Variants in CFTR observed in about 807,000 individuals in gnomAD.
The protein encoded by CFTR is CF transmembrane conductance regulator.
A neutral mutation model predicts 171.6 loss-of-function variants in CFTR; 181 were observed. That is an observed-to-expected ratio of 1.05 (90% CI 0.93 to 1.19). The LOEUF is 1.19. CFTR is among the 50% of genes most tolerant of loss of function. CFTR has a pLI of 0.00. For synonymous variants in CFTR, 583 were observed against 608.0 expected (o/e 0.96, Z 0.60); for missense variants, 1,968 against 1,734.7 (o/e 1.13, Z -2.39).
In CFTR at chr7:117,480,053, A is replaced by G. The variant is rs1421224613; in HGVS notation, c.-42A>G. ...GTAGGTCTTTGGCATTAGGAGCTTG[A>G]GCCCAGACGGCCCTAGCAGGGACCC... On this transcript the variant is annotated 5_prime_UTR_variant, in exon 1 of 27. Transcript: ENST00000003084. 9 of 1,598,324 alleles carry G rather than the reference A, an allele frequency of 5.6e-6. No individual in the cohort carries two copies. Among genetic ancestry groups the G allele is most frequent in the Non-Finnish European group, 7.7e-6 (9 of 1,165,988 alleles).
intron 1 of CFTR, among the ~76,000 whole-genome samples, chr7:117,481,662 G>A (rs1798003184): frequency 6.6e-6 from 1 of 152,214 alleles, no homozygotes; most frequent in East Asian, 1.9e-4. Flanking sequence ...ATTTCATAAG[G>A]TGCTTTAAGA....
chr7:117,555,372 T>C (rs2115923926), intron 10 of CFTR, among the ~76,000 whole-genome samples: 1 of 152,322 alleles, frequency 6.6e-6, no homozygotes, highest in East Asian at 1.9e-4. Flanking sequence ...GTACATATGG[T>C]ACTACTGTAA....
At chr7:117,610,712 T>C (rs1792372674) in intron 19 of CFTR, 43 bp downstream of exon 19, 3 of 1,604,290 alleles carry the variant, frequency 1.9e-6, no homozygotes, top group Non-Finnish European at 2.6e-6. Flanking sequence ...AAAAAAGCTA[T>C]AAGAGCTATT....
rs1196954388 is a variant in CFTR, at chr7:117,536,212, C to T, written c.744-336C>T. On this transcript the variant is annotated intron_variant, in intron 6 of 26. Transcript: ENST00000003084. ...GAGTCAAATAGCACTTTGTTTGAAT[C>T]CCAGATTGCATGCTTACTAGTTATG... is the stretch of plus-strand genomic sequence containing the variant. 2.6e-5 allele frequency among the ~76,000 whole-genome samples: 4 copies of T among 152,100 alleles called. No homozygotes were observed. The East Asian group carries it at 7.7e-4, about 29-fold the overall frequency.
At chr7:117,517,406 A>G (rs563997056) in intron 3 of CFTR, among the ~76,000 whole-genome samples, 3 of 152,286 alleles carry the variant, frequency 2.0e-5, no homozygotes, top group African/African-American at 7.2e-5. Context: ...TTATGGCTGT[A>G]TAGTATTCCA....
chr7:117,486,038 C>A (rs950867973), intron 1 of CFTR, among the ~76,000 whole-genome samples: 2 of 152,130 alleles, frequency 1.3e-5, no homozygotes, highest in Non-Finnish European at 2.9e-5. Flanking sequence ...GGACTGTGGG[C>A]AGATTTTTAA....
chr7:117,537,187 C>G (rs1416918665), intron 7 of CFTR, among the ~76,000 whole-genome samples: 2 of 152,218 alleles, frequency 1.3e-5, no homozygotes, highest in African/African-American at 4.8e-5. Flanking sequence ...AAATCCTCCA[C>G]TTGAAGTGAA....
rs149587528 is a variant in CFTR, at chr7:117,603,425, G to A, written c.2658-107G>A. 74 of 1,285,940 alleles carry A rather than the reference G, an allele frequency of 5.8e-5. No homozygotes were observed. The African/African-American group carries it at 7.9e-4, about 14-fold the overall frequency. 79.7% of individuals were successfully genotyped at this position (1,285,940 alleles called of 1,614,324 possible). A position where few individuals can be genotyped will look rare whatever the true frequency, so the allele number is the denominator to read the frequency against. On this transcript the variant is annotated intron_variant, in intron 16 of 26. Coordinates refer to ENST00000003084, the MANE Select transcript of CFTR (RefSeq NM_000492.4). ...GGTTAAGGGTGCATGCTCTTCTAAT[G>A]CAAAATATTGTATTTATTTAGACTC... is the stretch of plus-strand genomic sequence containing the variant.
intron 2 of CFTR, among the ~76,000 whole-genome samples, chr7:117,508,188 C>T (rs929015858): frequency 2.6e-5 from 4 of 152,112 alleles, no homozygotes; most frequent in Non-Finnish European, 5.9e-5. Flanking sequence ...CTAGTTCTTC[C>T]TTGTGGTTCA....
chr7:117,540,321 C>T lies in CFTR; in HGVS notation c.1091C>T (p.Ser364Phe). Residue 364 changes from serine (S) to phenylalanine (F), a missense_variant, in exon 8 of 27, where the codon TCT (serine) becomes TTT (phenylalanine). Physicochemically the swap from Ser to Phe is radical, Grantham distance 155 (BLOSUM62 -2). Coordinates refer to ENST00000003084, the MANE Select transcript of CFTR (RefSeq NM_000492.4). ...TGGGCTGTACAAACATGGTATGACT[C>T]TCTTGGAGCAATAAACAAAATACAG... ...FPWAVQTWYD[S>F]LGAINKIQDF... 7 of 1,613,732 alleles carry T rather than the reference C, an allele frequency of 4.3e-6. No individual in the cohort carries two copies. The highest frequency in any genetic ancestry group is 2.2e-5 in the South Asian group (2 of 91,060).
chr7:117,603,750 C>T lies in CFTR; in HGVS notation c.2876C>T (p.Ala959Val), dbSNP rs397508448. 7 of 1,613,852 alleles carry T rather than the reference C, an allele frequency of 4.3e-6. No individual in the cohort carries two copies. The highest frequency in any genetic ancestry group is 1.7e-5 in the Admixed American group (1 of 59,972). The change falls in exon 17 of 27, where the codon GCA becomes GTA. Residue 959 changes from alanine (A) to valine (V), a missense_variant. Coordinates refer to ENST00000003084, the MANE Select transcript of CFTR (RefSeq NM_000492.4). ...AAAATGTTACATTCTGTTCTTCAAG[C>T]ACCTATGTCAACCCTCAACACGTTG... is the stretch of plus-strand genomic sequence containing the variant. The part of the protein sequence containing the change: ...HHKMLHSVLQ[A>V]PMSTLNTLKA...
intron 21 of CFTR, among the ~76,000 whole-genome samples, chr7:117,623,964 T>C (rs986497481): frequency 6.6e-6 from 1 of 152,130 alleles, no homozygotes; most frequent in African/African-American, 2.4e-5. Context: ...GCCCTATACT[T>C]AATTTTATAT....
chr7:117,577,080 T>C lies in CFTR; in HGVS notation c.1585-10659T>C, dbSNP rs17547533. 8.7e-3 allele frequency among the ~76,000 whole-genome samples: 1,317 copies of C among 152,154 alleles called. 13 individuals carry two copies. The highest frequency in any genetic ancestry group is 0.044 in the Middle Eastern group (13 of 294). ...GTCATTGGAGACTTTACAGAGGAAATTAAATTTTTATTGATCTTGAAAGAG... is the reference window on the plus strand; with the variant it reads ...GTCATTGGAGACTTTACAGAGGAAACTAAATTTTTATTGATCTTGAAAGAG... On this transcript the variant is annotated intron_variant, in intron 11 of 26. Coordinates refer to ENST00000003084, the MANE Select transcript of CFTR (RefSeq NM_000492.4).
At position 117,590,327 on chromosome 7, in the gene CFTR, T is replaced by C. The variant is rs397508265; in HGVS notation, c.1680-26T>C. The C allele has an allele frequency of 1.3e-6, 2 of 1,596,480 alleles. No individual in the cohort carries two copies. Among genetic ancestry groups the C allele is most frequent in the Admixed American group, 1.7e-5 (1 of 59,480 alleles). On this transcript the variant is annotated intron_variant, in intron 12 of 26. Coordinates refer to ENST00000003084, the MANE Select transcript of CFTR (RefSeq NM_000492.4). ...ATGACCAGGAAATAGAGAGGAAATG[T>C]AATTTAATTTCCATTTTCTTTTTAG...
intron 11 of CFTR, chr7:117,564,508 A>G (rs945434031): frequency 6.3e-6 from 1 of 157,946 alleles, no homozygotes; most frequent in African/African-American, 2.4e-5. Flanking sequence ...AGAACTTGAA[A>G]TACCTACAGA....
At chr7:117,512,782 A>G (rs1213609113) in intron 3 of CFTR, among the ~76,000 whole-genome samples, 1 of 152,148 alleles carries the variant, frequency 6.6e-6, no homozygotes, top group Admixed American at 6.6e-5. Context: ...TGATTATACA[A>G]TGCATTTATT....
chr7:117,624,849 C>G (rs1279444672), intron 21 of CFTR, among the ~76,000 whole-genome samples: 1 of 152,096 alleles, frequency 6.6e-6, no homozygotes, highest in Non-Finnish European at 1.5e-5. Flanking sequence ...TCAAATGATC[C>G]ATATCTGACT....
chr7:117,539,122 G>A (rs1292266198), intron 7 of CFTR, among the ~76,000 whole-genome samples: 5 of 152,060 alleles, frequency 3.3e-5, no homozygotes, highest in Non-Finnish European at 7.4e-5. Context: ...ACCTTTCCTT[G>A]GGCAAGAGCT....
At chr7:117,485,464 T>C (rs537712706) in intron 1 of CFTR, among the ~76,000 whole-genome samples, 2 of 152,306 alleles carry the variant, frequency 1.3e-5, no homozygotes, top group Admixed American at 1.3e-4. Context: ...TGCATTATCA[T>C]GGAGGAAAAC....
Sources: gnomAD v4.1 joint callset for allele counts (sites outside exome capture counted in the v4.1 genomes callset) on GRCh38, gnomAD v4.1.1 for gene constraint, MANE v1.5 for transcripts, NCBI Gene and HGNC (gene_info 2026-07-23, HGNC 2026-07-21) for gene names.